Variants in FARSB observed in about 807,000 individuals in gnomAD.
The protein encoded by FARSB is phenylalanyl-tRNA synthetase subunit beta.
A neutral mutation model predicts 69.6 loss-of-function variants in FARSB; 40 were observed. The observed-to-expected ratio is 0.57, with a 90% CI of 0.45 to 0.75. The LOEUF (loss-of-function observed/expected upper bound fraction) is 0.75, where lower values mean the gene tolerates loss of function less well. FARSB is among the 30% of genes least tolerant of loss of function. The pLI is 0.00. For synonymous variants in FARSB, 235 were observed against 247.2 expected (o/e 0.95, Z 0.46); for missense variants, 632 against 722.9 (o/e 0.87, Z 1.44).
chr2:222,586,563 G>A (rs967691210), intron 16 of FARSB, among the ~76,000 whole-genome samples: 1 of 152,226 alleles, frequency 6.6e-6, no homozygotes, highest in African/African-American at 2.4e-5. Flanking sequence ...GACACAGACT[G>A]GCAAATTGGA....
At chr2:222,641,386 T>C (rs1250119721) in intron 3 of FARSB, among the ~76,000 whole-genome samples, 1 of 152,184 alleles carries the variant, frequency 6.6e-6, no homozygotes, top group African/African-American at 2.4e-5. Context: ...AAGACAAAGA[T>C]TTGGTAAATG....
In FARSB at chr2:222,648,365, G is replaced by A. The variant is rs184945390; in HGVS notation, c.114+375C>T. On this transcript the variant is annotated intron_variant, in intron 2 of 16. Transcript: ENST00000281828. ...GGGCAGAGGAGCTGAAGGAGGAGGC[G>A]CTGGAAGTGAAGGAGGCAGGGTAAC... 1.5e-3 allele frequency among the ~76,000 whole-genome samples: 223 copies of A among 152,320 alleles called. 1 individual carries two copies. The highest frequency in any genetic ancestry group is 0.013 in the Admixed American group (192 of 15,306).
At chr2:222,622,930 TC>T (rs1198681253) in intron 13 of FARSB, among the ~76,000 whole-genome samples, 2 of 152,192 alleles carry the variant, frequency 1.3e-5, no homozygotes, top group East Asian at 3.9e-4. Flanking sequence ...AGAAGTAGAG[TC>T]CCTTAAATAC....
chr2:222,623,862 T>C (rs1691202756), intron 12 of FARSB, 132 bp from the exon 13 acceptor site: 7 of 643,646 alleles, frequency 1.1e-5, no homozygotes, highest in Admixed American at 2.9e-5. Context: ...TTTTCACCCT[T>C]ACTAACGTAC....
intron 15 of FARSB, among the ~76,000 whole-genome samples, chr2:222,600,423 A>T (rs1357730063): frequency 1.3e-5 from 2 of 152,162 alleles, no homozygotes; most frequent in Non-Finnish European, 2.9e-5. Flanking sequence ...CATAATATTA[A>T]TACTACCCAA....
chr2:222,631,075 T>C (rs1691410744), intron 8 of FARSB, among the ~76,000 whole-genome samples: 1 of 152,168 alleles, frequency 6.6e-6, no homozygotes, highest in African/African-American at 2.4e-5. Flanking sequence ...TCCATTCCAA[T>C]AGATGAACTG....
chr2:222,570,987 T>C lies in FARSB; in HGVS notation c.*884A>G, dbSNP rs778487250. 3.3e-5 allele frequency: 5 copies of C among 152,152 alleles called. No homozygotes were observed. The highest frequency in any genetic ancestry group is 4.8e-5 in the African/African-American group (2 of 41,426). 9.4% of individuals were successfully genotyped at this position (152,152 alleles called of 1,614,324 possible). Reference sequence around the variant, plus strand: ...ATTGAAGTAAGAAAGGAAATTAGGATATAAAACAAGGAGGATTGGCTGAAG... The same window carrying C: ...ATTGAAGTAAGAAAGGAAATTAGGACATAAAACAAGGAGGATTGGCTGAAG... On this transcript the variant is annotated 3_prime_UTR_variant, in exon 17 of 17. Transcript: ENST00000281828.
At chr2:222,634,634 T>C (rs1442268913) in intron 5 of FARSB, 93 bp from the exon 6 acceptor site, 1 of 939,730 alleles carries the variant, frequency 1.1e-6, no homozygotes, top group Non-Finnish European at 1.6e-6. Flanking sequence ...ATTCTAAAGA[T>C]AACATAAATA....
intron 13 of FARSB, among the ~76,000 whole-genome samples, chr2:222,622,847 A>G (rs1039539065): frequency 6.6e-6 from 1 of 152,230 alleles, no homozygotes; most frequent in African/African-American, 2.4e-5. Context: ...CATATAATAA[A>G]TGCTCAACAA....
chr2:222,583,904 T>A (rs1690038197), intron 16 of FARSB, among the ~76,000 whole-genome samples: 1 of 152,196 alleles, frequency 6.6e-6, no homozygotes, highest in African/African-American at 2.4e-5. Flanking sequence ...TTCACCATGA[T>A]TTTAAGTTTC....
At chr2:222,599,891 A>G in intron 16 of FARSB, 37 bp downstream of exon 16, 2 of 1,500,214 alleles carry the variant, frequency 1.3e-6, no homozygotes, top group Non-Finnish European at 1.8e-6. Flanking sequence ...TCTTCCTGAC[A>G]CTGTCACTAA....
chr2:222,637,150 G>A (rs1430561571), intron 5 of FARSB, among the ~76,000 whole-genome samples: 1 of 152,166 alleles, frequency 6.6e-6, no homozygotes, highest in East Asian at 1.9e-4. Context: ...TAACACACTA[G>A]ATTTACTCTT....
At chr2:222,595,135 T>G (rs898647022) in intron 16 of FARSB, among the ~76,000 whole-genome samples, 1 of 152,218 alleles carries the variant, frequency 6.6e-6, no homozygotes, top group Admixed American at 6.5e-5. Context: ...TTCCAATTTT[T>G]TTCAACCTGT....
At chr2:222,647,811 T>A (rs1416947922) in intron 2 of FARSB, among the ~76,000 whole-genome samples, 1 of 152,144 alleles carries the variant, frequency 6.6e-6, no homozygotes, top group East Asian at 1.9e-4. Flanking sequence ...TCTCAGCACT[T>A]TGGGAGGCCA....
rs1689717517 is a variant in FARSB at position 222,571,567 on chromosome 2, T to G, written c.*304A>C. On this transcript the variant is annotated 3_prime_UTR_variant, in exon 17 of 17. Coordinates refer to ENST00000281828, the MANE Select transcript of FARSB (RefSeq NM_005687.5). Reference sequence around the variant, plus strand: ...AGTAATCCGTTCCAATGTGATGTTCTGATGTCTGAGGAGCACGTCTGCCTT... The same window carrying G: ...AGTAATCCGTTCCAATGTGATGTTCGGATGTCTGAGGAGCACGTCTGCCTT... 9.0e-6 allele frequency: 2 copies of G among 222,458 alleles called. No individual in the cohort carries two copies. Among genetic ancestry groups the G allele is most frequent in the Non-Finnish European group, 1.7e-5 (2 of 114,770 alleles). 13.8% of individuals were successfully genotyped at this position (222,458 alleles called of 1,614,324 possible). A position where few individuals can be genotyped will look rare whatever the true frequency, so the allele number is the denominator to read the frequency against.
chr2:222,600,678 G>A (rs1306632242), intron 15 of FARSB, among the ~76,000 whole-genome samples: 2 of 152,050 alleles, frequency 1.3e-5, no homozygotes, highest in Non-Finnish European at 2.9e-5. Flanking sequence ...TCAAAAAGAG[G>A]CAAAACTAAA....
chr2:222,630,069 C>T, intron 9 of FARSB, 44 bp downstream of exon 9: 1 of 1,212,754 alleles, frequency 8.2e-7, no homozygotes, highest in East Asian at 2.5e-5. Flanking sequence ...AAAGCCTCGC[C>T]TTCAGAACAA....
chr2:222,636,385 C>CAA (rs34295305), intron 5 of FARSB, among the ~76,000 whole-genome samples: 17,082 of 96,322 alleles, frequency 0.18, 1,361 homozygotes, highest in South Asian at 0.27. Context: ...GACTCTATCT[C>CAA]AAAAAAAAAA....
intron 9 of FARSB, among the ~76,000 whole-genome samples, chr2:222,629,527 C>T (rs1032064928): frequency 2.0e-5 from 3 of 152,126 alleles, no homozygotes; most frequent in Non-Finnish European, 4.4e-5. Flanking sequence ...CAATGATCCC[C>T]AAACACAGCT....
Sources: allele counts gnomAD v4.1 joint callset (sites outside exome capture counted in the v4.1 genomes callset), GRCh38; gene constraint gnomAD v4.1.1; transcripts MANE v1.5; gene names NCBI Gene and HGNC (gene_info 2026-07-23, HGNC 2026-07-21).